The following RORA variants were observed in gnomAD, a reference collection of about 807,000 sequenced individuals.
RORA encodes RAR related orphan receptor A, also known as nuclear receptor ROR-alpha.
A neutral mutation model predicts 69.5 loss-of-function variants in RORA; 7 were observed. That is an observed-to-expected ratio of 0.10 (90% CI 0.06 to 0.19). The LOEUF (loss-of-function observed/expected upper bound fraction) is 0.19. Ranked by LOEUF, RORA falls within the 10% of genes least tolerant of loss-of-function variation. RORA has a pLI of 1.00. For synonymous variants in RORA, 261 were observed against 240.8 expected (o/e 1.08, Z -0.78); for missense variants, 457 against 663.0 (o/e 0.69, Z 3.41).
At chr15:60,873,051 C>T (rs1447612958) in intron 1 of RORA, among the ~76,000 whole-genome samples, 2 of 152,048 alleles carry the variant, frequency 1.3e-5, no homozygotes, top group Non-Finnish European at 2.9e-5. Context: ...CATCAAGTGC[C>T]GAGTCTATAA....
At chr15:60,944,751 T>C (rs1288824016) in intron 1 of RORA, among the ~76,000 whole-genome samples, 1 of 146,190 alleles carries the variant, frequency 6.8e-6, no homozygotes, top group Non-Finnish European at 1.5e-5. Flanking sequence ...ATGCTTCCCA[T>C]ATTCCCAGAG....
chr15:61,118,481 C>T lies in RORA; in HGVS notation c.166+110572G>A, dbSNP rs531907458. 3.3e-5 allele frequency among the ~76,000 whole-genome samples: 5 copies of T among 152,298 alleles called. No homozygotes were observed. In the East Asian group the frequency reaches 9.6e-4, roughly 29 times the overall value. The stretch of plus-strand genomic sequence containing the variant: ...ATTTGGAAGAGGGTTTTAAAAAATT[C>T]AGTTTCAGCAGATTTTCTCACTCTT... On this transcript the variant is annotated intron_variant, in intron 1 of 10. Transcript: ENST00000335670.
At chr15:60,901,298 A>G (rs1891384932) in intron 1 of RORA, among the ~76,000 whole-genome samples, 1 of 152,156 alleles carries the variant, frequency 6.6e-6, no homozygotes, top group African/African-American at 2.4e-5. Flanking sequence ...CAACCTCCTG[A>G]GTAGCTGGGA....
intron 1 of RORA, among the ~76,000 whole-genome samples, chr15:61,165,196 G>A (rs1309411036): frequency 2.0e-5 from 3 of 152,140 alleles, no homozygotes; most frequent in Non-Finnish European, 2.9e-5. Context: ...TCTTCCCCAC[G>A]TCAACACCAC....
At chr15:60,979,864 T>A (rs946042683) in intron 1 of RORA, among the ~76,000 whole-genome samples, 24 of 152,176 alleles carry the variant, frequency 1.6e-4, no homozygotes, top group African/African-American at 5.8e-4. Flanking sequence ...TTCTCTCATT[T>A]CTAACTCTCT....
chr15:61,079,455 T>C (rs1009305654), intron 1 of RORA, among the ~76,000 whole-genome samples: 30 of 152,200 alleles, frequency 2.0e-4, no homozygotes, highest in African/African-American at 5.5e-4. Flanking sequence ...TCTCTCACTC[T>C]TAACCAGTCA....
intron 1 of RORA, among the ~76,000 whole-genome samples, chr15:61,080,769 A>G (rs1423734982): frequency 6.6e-6 from 1 of 152,184 alleles, no homozygotes; most frequent in East Asian, 1.9e-4. Context: ...ATGTGGATGC[A>G]GTTCAGATGT....
At chr15:61,045,608 G>C (rs757042929) in intron 1 of RORA, among the ~76,000 whole-genome samples, 2 of 152,086 alleles carry the variant, frequency 1.3e-5, no homozygotes, top group Non-Finnish European at 2.9e-5. Flanking sequence ...TCATCCAAGG[G>C]GTGTACCAGG....
intron 2 of RORA, among the ~76,000 whole-genome samples, chr15:60,660,551 A>G (rs2070288790): frequency 6.6e-6 from 1 of 152,194 alleles, no homozygotes; most frequent in African/African-American, 2.4e-5. Flanking sequence ...ATCTACCTGC[A>G]TATGCTGGCA....
chr15:60,910,834 T>TTC (rs147463479), intron 1 of RORA, among the ~76,000 whole-genome samples: 2,467 of 151,998 alleles, frequency 0.016, 51 homozygotes, highest in South Asian at 0.061. Flanking sequence ...GAGTTCACAC[T>TTC]TCTCTCCATG....
chr15:60,930,813 A>G (rs1892352712), intron 1 of RORA, among the ~76,000 whole-genome samples: 1 of 152,214 alleles, frequency 6.6e-6, no homozygotes, highest in Non-Finnish European at 1.5e-5. Context: ...GTCCGTGAGC[A>G]GAGATTCCCA....
At chr15:61,093,583 T>C (rs1462990967) in intron 1 of RORA, among the ~76,000 whole-genome samples, 1 of 152,212 alleles carries the variant, frequency 6.6e-6, no homozygotes, top group East Asian at 1.9e-4. Context: ...TATACCCCGA[T>C]ATGGTAGTAA....
chr15:60,842,670 A>G (rs1416869533), intron 1 of RORA, among the ~76,000 whole-genome samples: 1 of 152,082 alleles, frequency 6.6e-6, no homozygotes, highest in African/African-American at 2.4e-5. Context: ...ACCTGAACGG[A>G]TGCCCTGTGC....
chr15:61,003,368 C>T (rs1470651581), intron 1 of RORA, among the ~76,000 whole-genome samples: 1 of 152,046 alleles, frequency 6.6e-6, no homozygotes, highest in Non-Finnish European at 1.5e-5. Context: ...ATTCCAAATT[C>T]ACACACACAT....
At chr15:60,703,294 A>T (rs2071012405) in intron 1 of RORA, among the ~76,000 whole-genome samples, 2 of 152,196 alleles carry the variant, frequency 1.3e-5, no homozygotes, top group African/African-American at 4.8e-5. Flanking sequence ...CTCAACGCCC[A>T]TGGAAGCAAT....
At chr15:60,864,753 C>T (rs2073469141) in intron 1 of RORA, among the ~76,000 whole-genome samples, 1 of 152,182 alleles carries the variant, frequency 6.6e-6, no homozygotes, top group Non-Finnish European at 1.5e-5. Context: ...CATGATCTAT[C>T]AGGAAGGAAG....
At chr15:60,551,486 T>A (rs2067226986) in intron 2 of RORA, among the ~76,000 whole-genome samples, 1 of 152,188 alleles carries the variant, frequency 6.6e-6, no homozygotes, top group African/African-American at 2.4e-5. Flanking sequence ...ATCTTTGCTC[T>A]GATCTCATTA....
At chr15:60,827,510 A>T (rs536703803) in intron 1 of RORA, among the ~76,000 whole-genome samples, 1 of 152,362 alleles carries the variant, frequency 6.6e-6, no homozygotes, top group South Asian at 2.1e-4. Flanking sequence ...ATGTTTTATA[A>T]CCATAATGTA....
rs148793049 is a variant in RORA at position 60,867,964 on chromosome 15, G to A, written c.167-189278C>T. 2.8e-3 allele frequency among the ~76,000 whole-genome samples: 419 copies of A among 152,114 alleles called. 1 individual carries two copies. In the East Asian group the frequency reaches 0.031, roughly 11 times the overall value. ...TGATAGTTTTCAATTTTACTTACACGTTCCCTGATCCTGCTTCTCTAATCT... is the reference window on the plus strand; with the variant it reads ...TGATAGTTTTCAATTTTACTTACACATTCCCTGATCCTGCTTCTCTAATCT... On this transcript the variant is annotated intron_variant, in intron 1 of 10. Transcript: ENST00000335670.
Sources: gnomAD v4.1 joint callset for allele counts (sites outside exome capture counted in the v4.1 genomes callset) on GRCh38, gnomAD v4.1.1 for gene constraint, MANE v1.5 for transcripts, NCBI Gene and HGNC (gene_info 2026-07-23, HGNC 2026-07-21) for gene names.